Variants in CLDN18 observed in about 807,000 individuals in gnomAD.
CLDN18 encodes claudin 18.
Under a neutral mutation model 25.0 loss-of-function variants are expected in CLDN18, and 20 were observed. That is an observed-to-expected ratio of 0.80 (90% CI 0.56 to 1.16). The LOEUF (loss-of-function observed/expected upper bound fraction) is 1.16, where lower values mean the gene tolerates loss of function less well. Among genes scored for constraint, CLDN18 ranks in the 50% most tolerant of loss-of-function variants. CLDN18 has a pLI of 0.00. For missense variants in CLDN18, 297 were observed against 345.4 expected, an observed-to-expected ratio of 0.86 and a Z score of 1.11; for synonymous variants, 125 against 135.6, an observed-to-expected ratio of 0.92 and a Z score of 0.54.
At chr3:137,999,968 TGA>T (rs1355065281) in intron 1 of CLDN18, among the ~76,000 whole-genome samples, 1 of 152,146 alleles carries the variant, frequency 6.6e-6, no homozygotes, top group Non-Finnish European at 1.5e-5. Flanking sequence ...ATTGAAGTCT[TGA>T]GAGGGGCATT....
chr3:138,029,259 C>G (rs1942360696), intron 3 of CLDN18, among the ~76,000 whole-genome samples: 2 of 152,062 alleles, frequency 1.3e-5, no homozygotes, highest in Non-Finnish European at 2.9e-5. Context: ...AATTCTCGTG[C>G]CTTAGCCTCC....
In CLDN18 at chr3:138,014,939, G is replaced by A. The variant is rs574231590; in HGVS notation, c.220+4494G>A. Among the ~76,000 whole-genome samples the A allele has an allele frequency of 2.6e-5, 4 of 152,178 alleles. No individual in the cohort carries two copies. The East Asian group carries it at 7.8e-4, about 30-fold the overall frequency. On this transcript the variant is annotated intron_variant, in intron 1 of 4. Transcript: ENST00000183605. ...GGCCAGGAGTTCAAGACCAGCCTGG[G>A]CAACAAAATGAGATCCCATCTCTAC... is the stretch of plus-strand genomic sequence containing the variant.
chr3:138,004,395 A>C (rs1480748296), intron 1 of CLDN18, among the ~76,000 whole-genome samples: 1 of 152,196 alleles, frequency 6.6e-6, no homozygotes, highest in Non-Finnish European at 1.5e-5. Flanking sequence ...AATACCGGCA[A>C]GAGTTTCCCC....
chr3:138,001,465 GCCTGCCTTGGCCT>G (rs895824417), intron 1 of CLDN18, among the ~76,000 whole-genome samples: 8 of 148,194 alleles, frequency 5.4e-5, no homozygotes, highest in Non-Finnish European at 1.2e-4. Context: ...CTCATGATCC[GCCTGCCTTGGCCT>G]CCCAAAGTGC....
At chr3:138,029,929 C>A in intron 4 of CLDN18, 22 bp downstream of exon 4, 3 of 1,401,370 alleles carry the variant, frequency 2.1e-6, no homozygotes, top group Non-Finnish European at 3.0e-6. Context: ...TGTTCCGCTG[C>A]AACCAGACGT....
rs769692054 is a variant in CLDN18, at chr3:138,023,643, C to T, written c.221-15C>T. 1.2e-6 allele frequency: 2 copies of T among 1,611,506 alleles called. No homozygotes were observed. The highest frequency in any genetic ancestry group is 1.3e-5 in the African/African-American group (1 of 74,824). ...GTCTTATTTGTCTGCTTGTGTCTTG[C>T]CCCTTGTCCCACAGCCATGCTGCAG... On this transcript the variant is annotated splice_polypyrimidine_tract_variant and intron_variant, in intron 1 of 4. Transcript: ENST00000183605.
exon 1 of CLDN18, chr3:137,998,819 A>G: frequency 6.4e-7 from 1 of 1,565,780 alleles, no homozygotes; most frequent in Non-Finnish European, 8.8e-7. Context: ...TAGTCTCAGA[A>G]TTGCGCTGTC....
upstream of CLDN18, among the ~76,000 whole-genome samples, chr3:138,008,254 G>A (rs1476913460): frequency 6.6e-6 from 1 of 151,368 alleles, no homozygotes. Flanking sequence ...GGTGTGTGTG[G>A]GTGTGTGTGT....
At chr3:138,012,942 A>G (rs578031744) in intron 1 of CLDN18, among the ~76,000 whole-genome samples, 3 of 152,292 alleles carry the variant, frequency 2.0e-5, no homozygotes, top group African/African-American at 7.2e-5. Flanking sequence ...TTTGAGTCTG[A>G]ACTTTAGCTT....
chr3:138,020,423 T>A (rs1200625457), intron 1 of CLDN18, among the ~76,000 whole-genome samples: 4 of 152,238 alleles, frequency 2.6e-5, no homozygotes, highest in Non-Finnish European at 4.4e-5. Context: ...CAGACAGATA[T>A]CTGGTGAGAA....
Position 138,010,182 on chromosome 3 carries a change from A to G in CLDN18, c.-44A>G, listed in dbSNP as rs1053547704. On this transcript the variant is annotated 5_prime_UTR_variant, in exon 1 of 5. Transcript: ENST00000183605. Reference sequence around the variant, plus strand: ...TTAGCTTCACACCTTCGGCAGCAGGAGGGCGGCAGCTTCTCGCAGGCGGCA... The same window carrying G: ...TTAGCTTCACACCTTCGGCAGCAGGGGGGCGGCAGCTTCTCGCAGGCGGCA... The G allele has an allele frequency of 1.3e-6, 2 of 1,597,370 alleles. No homozygotes were observed. Among genetic ancestry groups the G allele is most frequent in the South Asian group, 2.2e-5 (2 of 88,960 alleles).
At chr3:138,019,719 C>T (rs1213559205) in intron 1 of CLDN18, among the ~76,000 whole-genome samples, 1 of 152,192 alleles carries the variant, frequency 6.6e-6, no homozygotes, top group Non-Finnish European at 1.5e-5. Flanking sequence ...AAAGCTCCCC[C>T]AGAAGATGCT....
intron 1 of CLDN18, among the ~76,000 whole-genome samples, chr3:138,012,667 T>C (rs1289494813): frequency 1.3e-5 from 2 of 152,240 alleles, no homozygotes; most frequent in Non-Finnish European, 2.9e-5. Context: ...TCTCATAGCA[T>C]TGAGCATATT....
At chr3:138,008,399 T>C (rs1280984062), upstream of CLDN18, among the ~76,000 whole-genome samples, 1 of 151,752 alleles carries the variant, frequency 6.6e-6, no homozygotes, top group Non-Finnish European at 1.5e-5. Context: ...AGGTCAGGAG[T>C]TCGAGGCCAG....
At chr3:138,028,946 T>C (rs961400932) in intron 3 of CLDN18, among the ~76,000 whole-genome samples, 1 of 152,234 alleles carries the variant, frequency 6.6e-6, no homozygotes, top group Non-Finnish European at 1.5e-5. Flanking sequence ...CTGCACATAG[T>C]AGGAGCTCAA....
At chr3:138,025,181 C>T (rs902708620) in intron 3 of CLDN18, among the ~76,000 whole-genome samples, 20 of 152,194 alleles carry the variant, frequency 1.3e-4, no homozygotes, top group Admixed American at 8.5e-4. Context: ...TTCTCTCATT[C>T]ATTAATTCAT....
chr3:138,019,067 G>A (rs777663530), intron 1 of CLDN18, among the ~76,000 whole-genome samples: 31 of 152,190 alleles, frequency 2.0e-4, no homozygotes, highest in Non-Finnish European at 4.1e-4. Flanking sequence ...CAAGGGATAC[G>A]TTGTTTTTAG....
intron 3 of CLDN18, among the ~76,000 whole-genome samples, chr3:138,026,557 A>C (rs1942329787): frequency 6.6e-6 from 1 of 152,160 alleles, no homozygotes; most frequent in African/African-American, 2.4e-5. Flanking sequence ...AGGCAGGAGA[A>C]TCACTTGAAC....
intron 1 of CLDN18, among the ~76,000 whole-genome samples, chr3:138,001,793 ATACT>A (rs951952457): frequency 3.3e-5 from 5 of 152,236 alleles, no homozygotes; most frequent in African/African-American, 1.2e-4. Flanking sequence ...GATCTAAAGT[ATACT>A]TACTTTAATG....
Sources: gnomAD v4.1 joint callset for allele counts (sites outside exome capture counted in the v4.1 genomes callset) on GRCh38, gnomAD v4.1.1 for gene constraint, MANE v1.5 for transcripts, NCBI Gene and HGNC (gene_info 2026-07-23, HGNC 2026-07-21) for gene names.